Variants in CHEK1 observed in about 807,000 individuals in gnomAD.
CHEK1 encodes checkpoint kinase 1.
A neutral mutation model predicts 60.2 loss-of-function variants in CHEK1; 32 were observed. The observed-to-expected ratio is 0.53, with a 90% CI of 0.40 to 0.71. CHEK1 has a LOEUF of 0.71. CHEK1 is among the 30% of genes least tolerant of loss of function. The pLI is 0.00. For synonymous variants in CHEK1, 179 were observed against 187.2 expected (o/e 0.96, Z 0.36); for missense variants, 399 against 564.6 (o/e 0.71, Z 2.97).
At chr11:125,633,799 G>A (rs1000279834) in intron 6 of CHEK1, among the ~76,000 whole-genome samples, 2 of 152,114 alleles carry the variant, frequency 1.3e-5, no homozygotes, top group African/African-American at 4.8e-5. Context: ...TTTGGTAACT[G>A]CTGTAACAAA....
At chr11:125,660,194 A>G (rs905252428), downstream of CHEK1, among the ~76,000 whole-genome samples, 37 of 152,206 alleles carry the variant, frequency 2.4e-4, no homozygotes, top group African/African-American at 8.7e-4. Flanking sequence ...TTTCTTGGGT[A>G]TGTACCTAGA....
At chr11:125,651,978 T>C (rs186424241) in intron 11 of CHEK1, among the ~76,000 whole-genome samples, 4 of 152,354 alleles carry the variant, frequency 2.6e-5, no homozygotes, top group Admixed American at 2.6e-4. Flanking sequence ...ATTTTCTTTG[T>C]CTTTGAAGTT....
chr11:125,630,930 C>T (rs1940839507), intron 5 of CHEK1, among the ~76,000 whole-genome samples: 2 of 152,064 alleles, frequency 1.3e-5, no homozygotes, highest in Admixed American at 1.3e-4. Context: ...AAGCATGTCA[C>T]AAGCAGTGAC....
intron 13 of CHEK1, among the ~76,000 whole-genome samples, chr11:125,675,479 GA>G (rs1942458552): frequency 6.6e-6 from 1 of 152,144 alleles, no homozygotes; most frequent in Non-Finnish European, 1.5e-5. Context: ...GTAGAAATAG[GA>G]AAATGACATT....
At chr11:125,678,461 C>T (rs551613421), downstream of CHEK1, among the ~76,000 whole-genome samples, 1 of 152,142 alleles carries the variant, frequency 6.6e-6, no homozygotes, top group East Asian at 1.9e-4. Context: ...ACTAAGTATC[C>T]CAAAAGGCCA....
chr11:125,678,411 A>C (rs140653303), downstream of CHEK1: 2 of 1,289,342 alleles, frequency 1.6e-6, no homozygotes, highest in Non-Finnish European at 2.1e-6. Flanking sequence ...CTATGGGCCT[A>C]GATTGGGCAC....
chr11:125,652,914 C>T (rs1055594208), intron 11 of CHEK1, among the ~76,000 whole-genome samples: 1 of 152,124 alleles, frequency 6.6e-6, no homozygotes, highest in Non-Finnish European at 1.5e-5. Context: ...AGAACTTACT[C>T]CTATCTAGCT....
At chr11:125,678,114 G>A, downstream of CHEK1, 1 of 1,614,208 alleles carries the variant, frequency 6.2e-7, no homozygotes. Context: ...CTCGGCCACA[G>A]TGTGCTTGCT....
rs533074175 is a variant in CHEK1, at chr11:125,630,313, G to A, written c.424+853G>A. 9.7e-5 allele frequency among the ~76,000 whole-genome samples: 14 copies of A among 144,598 alleles called. No homozygotes were observed. The South Asian group carries it at 1.6e-3, about 17-fold the overall frequency. The allele number at this position is 144,598 out of a possible 152,430, so 94.9% of individuals were successfully genotyped here. On this transcript the variant is annotated intron_variant, in intron 5 of 12. Coordinates refer to ENST00000438015, the MANE Select transcript of CHEK1 (RefSeq NM_001114122.3). The stretch of plus-strand genomic sequence containing the variant: ...TAGAATAGTGCTTAACAAATGGTCA[G>A]CTTTTTTTTTTTTTTGAAACAGAGT...
intron 8 of CHEK1, among the ~76,000 whole-genome samples, chr11:125,640,669 AAATGATCCTCCCATCTCAG>A (rs1941267204): frequency 6.6e-6 from 1 of 152,116 alleles, no homozygotes. Context: ...TCCTGAGCTT[AAATGATCCTCCCATCTCAG>A]CTTCCCGAGT....
In CHEK1 at chr11:125,635,520, T is replaced by C; in HGVS notation, c.705T>C (p.Asp235=). The change falls in exon 7 of 13, where the codon GAT becomes GAC. Residue 235 remains aspartate, a synonymous_variant. Coordinates refer to ENST00000438015, the MANE Select transcript of CHEK1 (RefSeq NM_001114122.3). The part of the protein sequence containing the change: ...KTYLNPWKKI[D]SAPLALLHKI... ...ACCTCAACCCTTGGAAAAAAATCGA[T>C]TCTGCTCCTCTAGGTAACTGAATTA... The C allele has an allele frequency of 6.2e-7, 1 of 1,602,294 alleles. No individual in the cohort carries two copies. The highest frequency in any genetic ancestry group is 1.1e-5 in the South Asian group (1 of 88,452).
downstream of CHEK1, among the ~76,000 whole-genome samples, chr11:125,660,459 C>G (rs1015452237): frequency 4.6e-5 from 7 of 152,048 alleles, no homozygotes; most frequent in African/African-American, 1.7e-4. Flanking sequence ...CTCCTAGGCT[C>G]AAGCGATCTT....
At chr11:125,652,483 T>G (rs1941774064) in intron 11 of CHEK1, among the ~76,000 whole-genome samples, 1 of 152,214 alleles carries the variant, frequency 6.6e-6, no homozygotes, top group Non-Finnish European at 1.5e-5. Flanking sequence ...TGTTTTCATC[T>G]TTGATTGTTT....
intron 5 of CHEK1, among the ~76,000 whole-genome samples, chr11:125,632,444 ATTTT>A (rs1940901741): frequency 1.3e-5 from 2 of 152,110 alleles, no homozygotes; most frequent in South Asian, 4.1e-4. Flanking sequence ...AGTGCTCTAT[ATTTT>A]TATAACCTTC....
chr11:125,638,500 A>G (rs1238587339), intron 8 of CHEK1, among the ~76,000 whole-genome samples: 7 of 152,206 alleles, frequency 4.6e-5, no homozygotes, highest in African/African-American at 1.7e-4. Flanking sequence ...GTCCTCATGG[A>G]TAGAAAAGAG....
chr11:125,627,846 A>G lies in CHEK1; in HGVS notation c.289+16A>G. 1 of 1,496,916 alleles carries G rather than the reference A, an allele frequency of 6.7e-7. No homozygotes were observed. Among genetic ancestry groups the G allele is most frequent in the Non-Finnish European group, 9.0e-7 (1 of 1,112,508 alleles). The allele number at this position is 1,496,916 out of a possible 1,614,324, so 92.7% of individuals were successfully genotyped here. On this transcript the variant is annotated intron_variant, in intron 3 of 12. Transcript: ENST00000438015. ...GACAGAATAGGTATGGAAGAAATTT[A>G]AGATAATTATTTTAAACAAGTTTTT...
rs1388705914 is a variant in CHEK1 at position 125,664,350 on chromosome 11, CAG to C, written c.*27+9004_*27+9005del. On this transcript the variant is annotated intron_variant, in intron 13 of 13. Transcript: ENST00000428830. The stretch of plus-strand genomic sequence containing the variant: ...CTGGGTTCAAGCAATTCTCCTACCT[CAG>C]CCTCCCAAGTAGCTGGGATTACAGG... Among the ~76,000 whole-genome samples the C allele has an allele frequency of 2.0e-5, 3 of 151,190 alleles. No homozygotes were observed. The East Asian group carries it at 5.9e-4, about 30-fold the overall frequency.
intron 13 of CHEK1, among the ~76,000 whole-genome samples, chr11:125,665,406 A>T (rs1425899882): frequency 1.3e-5 from 2 of 151,918 alleles, no homozygotes. Context: ...CGGTTTTTGC[A>T]TCTATATTTA....
intron 11 of CHEK1, among the ~76,000 whole-genome samples, chr11:125,647,491 T>C (rs551099293): frequency 6.6e-6 from 1 of 152,284 alleles, no homozygotes; most frequent in Non-Finnish European, 1.5e-5. Context: ...GTTCTTTTTT[T>C]CAAGGTATTT....
Sources: gnomAD v4.1 joint callset for allele counts (sites outside exome capture counted in the v4.1 genomes callset) on GRCh38, gnomAD v4.1.1 for gene constraint, MANE v1.5 for transcripts, NCBI Gene and HGNC (gene_info 2026-07-23, HGNC 2026-07-21) for gene names.